The following CFAP54 variants were observed in gnomAD, a reference collection of about 807,000 sequenced individuals.
CFAP54 encodes cilia- and flagella-associated protein 54.
CFAP54 carries 290 observed loss-of-function variants against 370.4 expected under a neutral mutation model. That is an observed-to-expected ratio of 0.78 (90% CI 0.71 to 0.86). CFAP54 has a LOEUF of 0.86. CFAP54 is among the 40% of genes least tolerant of loss of function. The pLI, the probability that CFAP54 is intolerant of heterozygous loss-of-function variation, is 0.00. For missense variants in CFAP54, 3,399 were observed against 3,528.7 expected, an observed-to-expected ratio of 0.96 and a Z score of 0.93; for synonymous variants, 1,206 against 1,236.5, an observed-to-expected ratio of 0.98 and a Z score of 0.52.
chr12:96,874,613 T>C (rs1182096039), intron 67 of CFAP54, among the ~76,000 whole-genome samples: 14 of 13,328 alleles, frequency 1.1e-3, no homozygotes, highest in African/African-American at 8.0e-3. Flanking sequence ...GGATCTCTGC[T>C]TTTTTTTATT....
intron 48 of CFAP54, 28 bp from the exon 49 acceptor site, chr12:96,718,415 G>C (rs1190531253): frequency 9.1e-7 from 1 of 1,104,486 alleles, no homozygotes; most frequent in Admixed American, 1.8e-5. Flanking sequence ...GATATCCTTG[G>C]TCCTTCCAAA....
At chr12:96,768,028 A>T (rs1279053448) in intron 60 of CFAP54, among the ~76,000 whole-genome samples, 3 of 152,110 alleles carry the variant, frequency 2.0e-5, no homozygotes, top group Admixed American at 1.3e-4. Context: ...AATGATAGAC[A>T]TTCATTTTTT....
intron 66 of CFAP54, among the ~76,000 whole-genome samples, chr12:96,854,798 CT>C (rs972629836): frequency 2.6e-5 from 4 of 151,900 alleles, no homozygotes; most frequent in East Asian, 1.9e-4. Flanking sequence ...ATTATAATGT[CT>C]TTTTTTTAAC....
chr12:96,757,157 C>A (rs1958269492), intron 57 of CFAP54, among the ~76,000 whole-genome samples: 1 of 152,178 alleles, frequency 6.6e-6, no homozygotes, highest in Non-Finnish European at 1.5e-5. Flanking sequence ...ATTTTCAAGG[C>A]AAATTCCTCC....
At chr12:96,616,071 T>C (rs944810255) in intron 26 of CFAP54, among the ~76,000 whole-genome samples, 1 of 152,228 alleles carries the variant, frequency 6.6e-6, no homozygotes, top group Non-Finnish European at 1.5e-5. Flanking sequence ...CACATATGTT[T>C]ATTGCGGCAC....
At chr12:96,845,114 T>C (rs1959301609) in intron 66 of CFAP54, among the ~76,000 whole-genome samples, 1 of 152,236 alleles carries the variant, frequency 6.6e-6, no homozygotes, top group Non-Finnish European at 1.5e-5. Context: ...TTCTAGAGCA[T>C]GGAGTATTCC....
At chr12:96,699,175 C>T (rs957593374) in intron 45 of CFAP54, among the ~76,000 whole-genome samples, 1 of 152,172 alleles carries the variant, frequency 6.6e-6, no homozygotes, top group African/African-American at 2.4e-5. Flanking sequence ...TACTTCTATG[C>T]AAACGAAGAC....
intron 42 of CFAP54, among the ~76,000 whole-genome samples, chr12:96,688,243 G>A (rs527972206): frequency 3.7e-4 from 57 of 152,320 alleles, no homozygotes; most frequent in African/African-American, 1.3e-3. Flanking sequence ...AAATGAAAGA[G>A]TTGTAAATGG....
intron 64 of CFAP54, among the ~76,000 whole-genome samples, chr12:96,812,638 CGCCTGTTCCATCACTAAA>C (rs1435926289): frequency 2.0e-5 from 3 of 152,152 alleles, no homozygotes; most frequent in Admixed American, 1.3e-4. Flanking sequence ...TAACCACTAA[CGCCTGTTCCATCACTAAA>C]GCCTGTTCCA....
At chr12:96,534,608 G>A (rs984902981) in intron 11 of CFAP54, among the ~76,000 whole-genome samples, 5 of 152,126 alleles carry the variant, frequency 3.3e-5, no homozygotes, top group African/African-American at 1.2e-4. Context: ...GGAAGGTTTG[G>A]TAATCTCCTG....
At chr12:96,645,598 A>G (rs141013836) in intron 33 of CFAP54, 15,002 of 153,514 alleles carry the variant, frequency 0.098, 908 homozygotes, top group Middle Eastern at 0.16. Context: ...GAAAAAAACT[A>G]CTTTAAAGTT....
At chr12:96,493,492 G>A (rs967128467) in intron 1 of CFAP54, among the ~76,000 whole-genome samples, 1 of 152,144 alleles carries the variant, frequency 6.6e-6, no homozygotes, top group African/African-American at 2.4e-5. Flanking sequence ...CATCAATTAT[G>A]TGTATTTTAT....
chr12:96,792,608 G>A, intron 63 of CFAP54, 109 bp downstream of exon 63: 2 of 745,442 alleles, frequency 2.7e-6, no homozygotes, highest in Non-Finnish European at 4.0e-6. Context: ...GATGAGAACA[G>A]GTATCAATAT....
intron 26 of CFAP54, among the ~76,000 whole-genome samples, chr12:96,617,647 T>C (rs971972683): frequency 2.6e-5 from 4 of 152,158 alleles, no homozygotes; most frequent in Non-Finnish European, 5.9e-5. Flanking sequence ...CATTAATTCG[T>C]GTTGTGCTGG....
intron 19 of CFAP54, among the ~76,000 whole-genome samples, chr12:96,566,220 C>A (rs553531892): frequency 1.3e-5 from 2 of 152,236 alleles, no homozygotes; most frequent in South Asian, 4.1e-4. Context: ...CTGTCGGATG[C>A]AGTGGGAGGC....
rs1362708946 is a variant in CFAP54, at chr12:96,651,783, T to C, written c.5068T>C (p.Leu1690=). Residue 1690 remains leucine (L), a synonymous_variant, in exon 36 of 68, where the codon TTA becomes CTA. Transcript: ENST00000524981. ...GGGAGCAGAATTACTTATTGACATG[T>C]TAATACAACTACAAAATACCAGTTC... ...YLGAELLIDM[L]IQLQNTSSIK... 1.9e-6 allele frequency: 3 copies of C among 1,607,106 alleles called. No homozygotes were observed. The highest frequency in any genetic ancestry group is 2.2e-5 in the East Asian group (1 of 44,822).
intron 63 of CFAP54, among the ~76,000 whole-genome samples, chr12:96,804,419 T>A (rs1015183184): frequency 6.6e-6 from 1 of 152,214 alleles, no homozygotes; most frequent in Non-Finnish European, 1.5e-5. Flanking sequence ...GTTTGATAGA[T>A]GAATTTTGTA....
At chr12:96,572,824 A>G in intron 19 of CFAP54, 1 of 977,558 alleles carries the variant, frequency 1.0e-6, no homozygotes, top group Non-Finnish European at 1.2e-6. Context: ...AACTCCATAG[A>G]TGATACTGAT....
chr12:96,710,346 C>G (rs1483559287), intron 48 of CFAP54, among the ~76,000 whole-genome samples: 1 of 152,154 alleles, frequency 6.6e-6, no homozygotes, highest in East Asian at 1.9e-4. Context: ...GAGCAAGAAC[C>G]TTTACTGTGT....
Sources: gnomAD v4.1 joint callset for allele counts (sites outside exome capture counted in the v4.1 genomes callset) on GRCh38, gnomAD v4.1.1 for gene constraint, MANE v1.5 for transcripts, NCBI Gene and HGNC (gene_info 2026-07-23, HGNC 2026-07-21) for gene names.